Variants in MYO16 observed in about 807,000 individuals in gnomAD.
MYO16 encodes unconventional myosin-XVI.
Under a neutral mutation model 205.3 loss-of-function variants are expected in MYO16, and 94 were observed. That is an observed-to-expected ratio of 0.46 (90% confidence interval 0.39 to 0.54). MYO16 has a LOEUF of 0.54. MYO16 is among the 20% of genes least tolerant of loss of function. MYO16 has a pLI of 0.00. For missense variants in MYO16, 2,315 were observed against 2,387.5 expected (o/e 0.97, Z 0.63); for synonymous variants, 988 against 954.0 (o/e 1.04, Z -0.66).
intron 11 of MYO16, among the ~76,000 whole-genome samples, chr13:108,859,865 A>G (rs1439091972): frequency 1.3e-5 from 2 of 152,222 alleles, no homozygotes; most frequent in Non-Finnish European, 2.9e-5. Flanking sequence ...GTTAGCCAAG[A>G]GAATTCTGAA....
At chr13:109,066,846 C>T (rs1197597084) in intron 27 of MYO16, among the ~76,000 whole-genome samples, 3 of 152,134 alleles carry the variant, frequency 2.0e-5, no homozygotes, top group Non-Finnish European at 4.4e-5. Flanking sequence ...TCGCACTCAG[C>T]TTCTTTCTAA....
intron 12 of MYO16, among the ~76,000 whole-genome samples, chr13:108,875,668 C>T (rs1453462715): frequency 6.6e-6 from 1 of 152,022 alleles, no homozygotes; most frequent in Non-Finnish European, 1.5e-5. Flanking sequence ...AATATCTAAG[C>T]CCAAATAGAT....
At chr13:109,023,862 A>C (rs1171216454) in intron 23 of MYO16, among the ~76,000 whole-genome samples, 1 of 138,376 alleles carries the variant, frequency 7.2e-6, no homozygotes, top group Non-Finnish European at 1.5e-5. Context: ...ATAAATATAA[A>C]ATTTATTAAA....
At chr13:109,201,511 A>AC in intron 34 of MYO16, 2 of 150,808 alleles carry the variant, frequency 1.3e-5, no homozygotes, top group African/African-American at 4.9e-5. Context: ...AAAAAAAAAA[A>AC]ATCTTATTCT....
At chr13:108,965,207 A>C (rs1272343261) in intron 20 of MYO16, among the ~76,000 whole-genome samples, 4 of 152,140 alleles carry the variant, frequency 2.6e-5, no homozygotes, top group Admixed American at 6.5e-5. Context: ...TAAATCTAAA[A>C]ATTTTATAAA....
At chr13:108,574,092 A>T in the MYO16 span, among the ~76,000 whole-genome samples, 1 of 152,182 alleles carries the variant, frequency 6.6e-6, no homozygotes. Flanking sequence ...GGTTCAAGCC[A>T]TCCTCCTGCC....
At chr13:108,982,811 G>A (rs895270534) in intron 20 of MYO16, among the ~76,000 whole-genome samples, 2 of 152,026 alleles carry the variant, frequency 1.3e-5, no homozygotes, top group African/African-American at 4.8e-5. Flanking sequence ...TAAGACCTAT[G>A]AGTCTATAAT....
the MYO16 span, among the ~76,000 whole-genome samples, chr13:108,587,877 A>G: frequency 6.7e-6 from 1 of 149,102 alleles, no homozygotes; most frequent in Non-Finnish European, 1.5e-5. Context: ...TCTGGGTCAT[A>G]AGTTACCTTC....
the MYO16 span, among the ~76,000 whole-genome samples, chr13:108,565,702 C>T: frequency 6.6e-6 from 1 of 152,026 alleles, no homozygotes; most frequent in African/African-American, 2.4e-5. Flanking sequence ...TCTAGCTAGA[C>T]CTTCCAGTAT....
At chr13:108,668,994 T>A (rs1881864571) in intron 2 of MYO16, among the ~76,000 whole-genome samples, 2 of 151,298 alleles carry the variant, frequency 1.3e-5, no homozygotes, top group Non-Finnish European at 2.9e-5. Context: ...CCTCTAGGAG[T>A]TGTGAATGAG....
chr13:109,022,886 A>G (rs985160167), intron 23 of MYO16, among the ~76,000 whole-genome samples: 1 of 136,414 alleles, frequency 7.3e-6, no homozygotes, highest in Non-Finnish European at 1.5e-5. Context: ...TATATTTATT[A>G]TATATACACA....
At chr13:108,921,851 A>G (rs963485396) in intron 16 of MYO16, among the ~76,000 whole-genome samples, 17 of 152,176 alleles carry the variant, frequency 1.1e-4, no homozygotes, top group Admixed American at 2.0e-4. Flanking sequence ...CCCTTTGCTC[A>G]TCTGTAGGCC....
At chr13:108,738,857 C>A (rs544000647) in intron 4 of MYO16, among the ~76,000 whole-genome samples, 7 of 152,270 alleles carry the variant, frequency 4.6e-5, no homozygotes, top group African/African-American at 1.7e-4. Flanking sequence ...ATAGTTAGCT[C>A]TTCTTGTTGA....
At chr13:108,596,343 T>C (rs1878557520) in intron 1 of MYO16, 1 of 152,176 alleles carries the variant, frequency 6.6e-6, no homozygotes, top group Admixed American at 6.5e-5. Context: ...TTCCCTTGTT[T>C]TAACTTTAAA....
intron 27 of MYO16, among the ~76,000 whole-genome samples, chr13:109,073,044 A>G (rs1887974848): frequency 6.6e-6 from 1 of 151,910 alleles, no homozygotes; most frequent in South Asian, 2.1e-4. Context: ...ATACATTTCA[A>G]TTTTCTATTT....
chr13:109,157,618 T>A (rs1205517717), intron 32 of MYO16, among the ~76,000 whole-genome samples: 2 of 152,162 alleles, frequency 1.3e-5, no homozygotes, highest in Non-Finnish European at 2.9e-5. Flanking sequence ...CCTTAACACA[T>A]GCCTTGAAGG....
chr13:108,981,616 C>T (rs575785172), intron 20 of MYO16, among the ~76,000 whole-genome samples: 1 of 152,356 alleles, frequency 6.6e-6, no homozygotes, highest in South Asian at 2.1e-4. Context: ...GACAGACACT[C>T]GTGTTGCTCC....
chr13:108,653,166 G>A (rs974732111), intron 1 of MYO16, among the ~76,000 whole-genome samples: 1 of 152,160 alleles, frequency 6.6e-6, no homozygotes, highest in Non-Finnish European at 1.5e-5. Flanking sequence ...TTATATGCTT[G>A]TTGGGAATTT....
intron 34 of MYO16, 104 bp downstream of exon 34, chr13:109,179,737 G>C: frequency 1.2e-6 from 1 of 852,550 alleles, no homozygotes. Context: ...GGACTGGAGG[G>C]CTCAGCTGTT....
Sources: gnomAD v4.1 joint callset for allele counts (sites outside exome capture counted in the v4.1 genomes callset) on GRCh38, gnomAD v4.1.1 for gene constraint, MANE v1.5 for transcripts, NCBI Gene and HGNC (gene_info 2026-07-23, HGNC 2026-07-21) for gene names.